The following HEMK2 variants were observed in gnomAD, a reference collection of about 807,000 sequenced individuals.
HEMK2 encodes methyltransferase HEMK2.
chr21:28,704,569 A>AC, the HEMK2 span, among the ~76,000 whole-genome samples: 2 of 150,192 alleles, frequency 1.3e-5, no homozygotes, highest in African/African-American at 4.9e-5. Context: ...AAAAAAAAAA[A>AC]AAAAAAAAAC....
At chr21:28,590,494 A>ATGGTG in the HEMK2 span, among the ~76,000 whole-genome samples, 1 of 152,232 alleles carries the variant, frequency 6.6e-6, no homozygotes, top group Non-Finnish European at 1.5e-5. Context: ...ACTGCAGTGA[A>ATGGTG]CACATGCCAC....
the HEMK2 span, among the ~76,000 whole-genome samples, chr21:28,707,488 T>C: frequency 1.3e-5 from 2 of 152,050 alleles, no homozygotes; most frequent in African/African-American, 4.8e-5. Context: ...ACTCCTTGCC[T>C]CAAGTAATCC....
At chr21:28,628,230 T>C in the HEMK2 span, among the ~76,000 whole-genome samples, 2 of 152,294 alleles carry the variant, frequency 1.3e-5, no homozygotes, top group East Asian at 3.9e-4. Flanking sequence ...TTATATATAG[T>C]ATAAGCTTCC....
the HEMK2 span, among the ~76,000 whole-genome samples, chr21:28,612,205 C>G: frequency 6.6e-6 from 1 of 151,308 alleles, no homozygotes; most frequent in Non-Finnish European, 1.5e-5. Context: ...TAGCCAGATC[C>G]AACAGCATAT....
At chr21:28,797,677 G>A in the HEMK2 span, among the ~76,000 whole-genome samples, 2 of 151,822 alleles carry the variant, frequency 1.3e-5, no homozygotes, top group African/African-American at 4.8e-5. Context: ...TAAAAGATGG[G>A]AAAAAAATAA....
the HEMK2 span, among the ~76,000 whole-genome samples, chr21:28,880,316 T>C: frequency 6.6e-6 from 1 of 152,326 alleles, no homozygotes; most frequent in African/African-American, 2.4e-5. Context: ...TTTTCACAAT[T>C]TTTCCGATAT....
chr21:28,711,595 G>C, the HEMK2 span, among the ~76,000 whole-genome samples: 8 of 152,250 alleles, frequency 5.3e-5, no homozygotes, highest in East Asian at 1.9e-4. Context: ...TCTAGAGGAG[G>C]GGGCTGATAG....
chr21:28,830,831 C>T, the HEMK2 span, among the ~76,000 whole-genome samples: 483 of 140,154 alleles, frequency 3.4e-3, 5 homozygotes, highest in African/African-American at 0.013. Flanking sequence ...GAGCCAAGTT[C>T]GTGCCACTGC....
chr21:28,682,868 C>T, the HEMK2 span, among the ~76,000 whole-genome samples: 2 of 152,070 alleles, frequency 1.3e-5, no homozygotes, highest in African/African-American at 2.4e-5. Flanking sequence ...CACATGGACA[C>T]AGGAAGGGGA....
chr21:28,613,744 T>C, the HEMK2 span, among the ~76,000 whole-genome samples: 18,747 of 148,750 alleles, frequency 0.13, 2,062 homozygotes, highest in East Asian at 0.59. Context: ...ATTTCCAAGA[T>C]AGCATTTGTA....
the HEMK2 span, among the ~76,000 whole-genome samples, chr21:28,596,003 C>G: frequency 6.6e-6 from 1 of 151,298 alleles, no homozygotes; most frequent in Non-Finnish European, 1.5e-5. Context: ...CCAAGGTGGT[C>G]TCGATCTCCT....
chr21:28,595,987 T>C, the HEMK2 span, among the ~76,000 whole-genome samples: 1 of 151,838 alleles, frequency 6.6e-6, no homozygotes, highest in Admixed American at 6.6e-5. Flanking sequence ...GGTTTCACCA[T>C]GTTAGCCAAG....
chr21:28,603,559 G>A, the HEMK2 span, among the ~76,000 whole-genome samples: 3 of 121,896 alleles, frequency 2.5e-5, no homozygotes, highest in South Asian at 7.0e-4. Flanking sequence ...ATGTGTGTGT[G>A]TGTGTGTGTG....
chr21:28,864,820 C>CAGACAGATAGATAGAT, the HEMK2 span, among the ~76,000 whole-genome samples: 9 of 119,206 alleles, frequency 7.5e-5, no homozygotes, highest in East Asian at 1.4e-3. Flanking sequence ...GACAGACAGA[C>CAGACAGATAGATAGAT]AGATAGATAG....
At chr21:28,745,877 G>A in the HEMK2 span, among the ~76,000 whole-genome samples, 1 of 152,170 alleles carries the variant, frequency 6.6e-6, no homozygotes, top group South Asian at 2.1e-4. Flanking sequence ...TTAGCTCTCC[G>A]CTGCCACCTT....
chr21:28,819,924 A>G, the HEMK2 span, among the ~76,000 whole-genome samples: 1 of 152,210 alleles, frequency 6.6e-6, no homozygotes. Context: ...CACCTAAGGT[A>G]CATGACTTTT....
chr21:28,724,744 C>T, the HEMK2 span, among the ~76,000 whole-genome samples: 2 of 151,636 alleles, frequency 1.3e-5, no homozygotes, highest in African/African-American at 4.9e-5. Flanking sequence ...TTTGACAGAT[C>T]AGCTTCTTCA....
chr21:28,778,830 A>G, the HEMK2 span, among the ~76,000 whole-genome samples: 5 of 152,218 alleles, frequency 3.3e-5, no homozygotes, highest in South Asian at 1.0e-3. Flanking sequence ...TACTAGAAAC[A>G]AGCCTTTGCT....
the HEMK2 span, among the ~76,000 whole-genome samples, chr21:28,866,479 C>T: frequency 6.6e-6 from 1 of 151,306 alleles, no homozygotes; most frequent in Admixed American, 6.6e-5. Flanking sequence ...ACATTCTTCT[C>T]TACAGTCTAA....
Sources: gnomAD v4.1 joint callset for allele counts (sites outside exome capture counted in the v4.1 genomes callset) on GRCh38, gnomAD v4.1.1 for gene constraint, MANE v1.5 for transcripts, NCBI Gene and HGNC (gene_info 2026-07-23, HGNC 2026-07-21) for gene names.